Variants in RAB3GAP2 observed in about 807,000 individuals in gnomAD.
The protein encoded by RAB3GAP2 is RAB3 GTPase activating non-catalytic protein subunit 2.
A neutral mutation model predicts 185.3 loss-of-function variants in RAB3GAP2; 87 were observed. That is an observed-to-expected ratio of 0.47 (90% CI 0.39 to 0.56). The LOEUF (loss-of-function observed/expected upper bound fraction) is 0.56, where lower values mean the gene tolerates loss of function less well. RAB3GAP2 is among the 20% of genes least tolerant of loss of function. The probability of loss-of-function intolerance (pLI) is 0.00; values close to 1 mark genes in which losing one functional copy is unlikely to be tolerated. For synonymous variants in RAB3GAP2, 554 were observed against 576.1 expected (o/e 0.96, Z 0.55); for missense variants, 1,492 against 1,638.2 (o/e 0.91, Z 1.54).
intron 7 of RAB3GAP2, among the ~76,000 whole-genome samples, chr1:220,206,365 C>A (rs1658967123): frequency 6.6e-6 from 1 of 152,162 alleles, no homozygotes. Flanking sequence ...TACACATCCC[C>A]AAATATATTC....
intron 1 of RAB3GAP2, among the ~76,000 whole-genome samples, chr1:220,237,884 T>TAA (rs372704690): frequency 7.5e-5 from 10 of 133,436 alleles, no homozygotes; most frequent in African/African-American, 1.9e-4. Context: ...TATTAAAAAG[T>TAA]AAAAAAAAAA....
At chr1:220,173,928 G>A (rs1332246396) in intron 21 of RAB3GAP2, among the ~76,000 whole-genome samples, 1 of 150,448 alleles carries the variant, frequency 6.6e-6, no homozygotes, top group Non-Finnish European at 1.5e-5. Flanking sequence ...GCTGAGGCAG[G>A]AGAATCACTT....
At chr1:220,200,705 A>C (rs12129903) in intron 9 of RAB3GAP2, 27,245 of 503,076 alleles carry the variant, frequency 0.054, 979 homozygotes, top group Non-Finnish European at 0.079. Context: ...CTAGCAAAAA[A>C]GTAGACACAC....
At chr1:220,267,055 G>A in intron 1 of RAB3GAP2, 1 of 1,608,704 alleles carries the variant, frequency 6.2e-7, no homozygotes. Flanking sequence ...GCCACAGAGA[G>A]TGGTCCTCCT....
chr1:220,179,253 A>G (rs943578537), intron 21 of RAB3GAP2, among the ~76,000 whole-genome samples: 3 of 146,198 alleles, frequency 2.1e-5, no homozygotes, highest in Non-Finnish European at 4.6e-5. Flanking sequence ...TCAAAAAAAA[A>G]AAAAAAAAAA....
Position 220,151,140 on chromosome 1 carries a change from G to GAA in RAB3GAP2, c.*109_*110dup. The stretch of plus-strand genomic sequence containing the variant: ...TATACTTTTATTTATTTTACAAAAG[G>GAA]AAAAAAAAAGACATACTTTTCCCAT... On this transcript the variant is annotated 3_prime_UTR_variant, in exon 35 of 35. Transcript: ENST00000358951. 8.7e-7 allele frequency: 1 copy of GAA among 1,144,436 alleles called. No individual in the cohort carries two copies. Among genetic ancestry groups the GAA allele is most frequent in the Non-Finnish European group, 1.2e-6 (1 of 806,046 alleles). The allele number at this position is 1,144,436 out of a possible 1,614,324, so 70.9% of individuals were successfully genotyped here.
intron 7 of RAB3GAP2, among the ~76,000 whole-genome samples, chr1:220,210,075 T>C (rs2102879985): frequency 6.6e-6 from 1 of 152,334 alleles, no homozygotes; most frequent in Non-Finnish European, 1.5e-5. Flanking sequence ...TAAAACAAGA[T>C]ATAAGGTTAT....
At chr1:220,230,390 T>C (rs553210986) in intron 2 of RAB3GAP2, among the ~76,000 whole-genome samples, 32 of 152,332 alleles carry the variant, frequency 2.1e-4, no homozygotes, top group Admixed American at 7.8e-4. Context: ...GCAGAATAGC[T>C]GAGGCTCCAT....
At position 220,164,647 on chromosome 1, in the gene RAB3GAP2, G is replaced by A. The variant is rs1043541569; in HGVS notation, c.3154+86C>T. On this transcript the variant is annotated intron_variant, in intron 27 of 34. Transcript: ENST00000358951. ...GGATAATCAAATAAAAATTTAATAGGTTGTAAATCTTTAAATTCACATCCT... is the reference window on the plus strand; with the variant it reads ...GGATAATCAAATAAAAATTTAATAGATTGTAAATCTTTAAATTCACATCCT... The A allele has an allele frequency of 3.0e-5, 45 of 1,524,450 alleles. No homozygotes were observed. The Admixed American group carries it at 6.2e-4, about 21-fold the overall frequency. The allele number at this position is 1,524,450 out of a possible 1,614,324, so 94.4% of individuals were successfully genotyped here. A position where few individuals can be genotyped will look rare whatever the true frequency, so the allele number is the denominator to read the frequency against.
chr1:220,194,925 G>C (rs1658695007), intron 12 of RAB3GAP2, among the ~76,000 whole-genome samples, 153 bp downstream of exon 12: 1 of 152,176 alleles, frequency 6.6e-6, no homozygotes, highest in Admixed American at 6.5e-5. Context: ...TTCACATGGA[G>C]TTTTACATTC....
intron 8 of RAB3GAP2, among the ~76,000 whole-genome samples, chr1:220,204,249 G>T (rs1210419358): frequency 1.3e-5 from 2 of 151,886 alleles, no homozygotes; most frequent in Admixed American, 6.6e-5. Context: ...TTGGCTATGT[G>T]GTTCTTTTCT....
Position 220,212,739 on chromosome 1 carries a change from T to C in RAB3GAP2, c.386+148A>G, listed in dbSNP as rs376423981. On this transcript the variant is annotated intron_variant, in intron 4 of 34. Coordinates refer to ENST00000358951, the MANE Select transcript of RAB3GAP2 (RefSeq NM_012414.4). ...AACTCCTGGGCTCAAATGATCTTCC[T>C]GCCTTGGCTTCCCAAAGTGCTAGGA... The C allele has an allele frequency of 5.8e-4, 405 of 699,178 alleles. 4 individuals carry two copies. In the South Asian group the frequency reaches 6.2e-3, roughly 11 times the overall value. The allele number at this position is 699,178 out of a possible 1,614,324, so 43.3% of individuals were successfully genotyped here.
chr1:220,254,348 C>T (rs779814052), intron 1 of RAB3GAP2: 42 of 1,613,282 alleles, frequency 2.6e-5, no homozygotes, highest in Admixed American at 5.0e-5. Context: ...GTGTATGGAG[C>T]GCCACATCTC....
At chr1:220,179,752 G>GCTA (rs1402339124) in intron 21 of RAB3GAP2, among the ~76,000 whole-genome samples, 1 of 152,132 alleles carries the variant, frequency 6.6e-6, no homozygotes, top group Non-Finnish European at 1.5e-5. Context: ...TAAACGACAT[G>GCTA]CTACTGAACA....
chr1:220,151,114 A>G lies in RAB3GAP2; in HGVS notation c.*137T>C. On this transcript the variant is annotated 3_prime_UTR_variant, in exon 35 of 35. Transcript: ENST00000358951. The stretch of plus-strand genomic sequence containing the variant: ...CAGGGTTGCACTTTTTAAAAGTTGT[A>G]TATACTTTTATTTATTTTACAAAAG... 1.1e-6 allele frequency: 1 copy of G among 879,732 alleles called. No homozygotes were observed. The highest frequency in any genetic ancestry group is 1.7e-6 in the Non-Finnish European group (1 of 582,796). The allele number at this position is 879,732 out of a possible 1,614,324, so 54.5% of individuals were successfully genotyped here. A position where few individuals can be genotyped will look rare whatever the true frequency, so the allele number is the denominator to read the frequency against.
chr1:220,208,743 G>A (rs956215338), intron 7 of RAB3GAP2, among the ~76,000 whole-genome samples: 3 of 151,090 alleles, frequency 2.0e-5, no homozygotes. Context: ...TTGAGACGGA[G>A]TCTCGCTCTG....
chr1:220,224,817 G>C (rs1178718184), intron 2 of RAB3GAP2, among the ~76,000 whole-genome samples: 1 of 152,180 alleles, frequency 6.6e-6, no homozygotes, highest in Admixed American at 6.5e-5. Flanking sequence ...GGAGAAGAAA[G>C]CTGAGAAGCT....
chr1:220,178,496 G>A (rs1399374466), intron 21 of RAB3GAP2, among the ~76,000 whole-genome samples: 1 of 152,154 alleles, frequency 6.6e-6, no homozygotes, highest in Non-Finnish European at 1.5e-5. Flanking sequence ...AAAATGGGGG[G>A]AGAAGAGAGT....
At chr1:220,163,423 A>T (rs922795563) in intron 27 of RAB3GAP2, among the ~76,000 whole-genome samples, 1 of 142,420 alleles carries the variant, frequency 7.0e-6, no homozygotes, top group Non-Finnish European at 1.5e-5. Flanking sequence ...AGTGCAGTGG[A>T]GTGATCTCTG....
Sources: allele counts gnomAD v4.1 joint callset (sites outside exome capture counted in the v4.1 genomes callset), GRCh38; gene constraint gnomAD v4.1.1; transcripts MANE v1.5; gene names NCBI Gene and HGNC (gene_info 2026-07-23, HGNC 2026-07-21).